The following ESRRG variants were observed in gnomAD, a reference collection of about 807,000 sequenced individuals.
The protein encoded by ESRRG is estrogen related receptor gamma.
ESRRG carries 13 observed loss-of-function variants against 44.0 expected under a neutral mutation model. The observed-to-expected ratio is 0.30, with a 90% CI of 0.19 to 0.47. The LOEUF is 0.47. Ranked by LOEUF, ESRRG falls within the 20% of genes least tolerant of loss-of-function variation. The pLI is 1.00. For synonymous variants in ESRRG, 215 were observed against 214.6 expected (o/e 1.00, Z -0.02); for missense variants, 395 against 580.6 (o/e 0.68, Z 3.29).
chr1:216,838,838 T>C (rs987305055), intron 2 of ESRRG, among the ~76,000 whole-genome samples: 4 of 152,218 alleles, frequency 2.6e-5, no homozygotes, highest in African/African-American at 7.2e-5. Flanking sequence ...TACTAAGGAA[T>C]GCTAATGGTC....
In ESRRG at chr1:216,844,389, C is replaced by T. The variant is rs541285816; in HGVS notation, c.-14+95193G>A. Among the ~76,000 whole-genome samples the T allele has an allele frequency of 7.9e-5, 12 of 152,242 alleles. No individual in the cohort carries two copies. In the East Asian group the frequency reaches 2.3e-3, roughly 29 times the overall value. Reference sequence around the variant, plus strand: ...AAGGGGAAATCACATAGCATCACTGCGTCAAACCTCCCCGAAGCTTGCTAT... The same window carrying T: ...AAGGGGAAATCACATAGCATCACTGTGTCAAACCTCCCCGAAGCTTGCTAT... On this transcript the variant is annotated intron_variant, in intron 2 of 7. Coordinates refer to the ESRRG transcript ENST00000359162.
intron 2 of ESRRG, among the ~76,000 whole-genome samples, chr1:216,912,155 GAAAAGAAAAGAAAAGAAAAGAAAAGAAA>G: frequency 1.5e-4 from 5 of 33,700 alleles, no homozygotes; most frequent in African/African-American, 5.3e-4. Context: ...GAAAAGAAAA[GAAAAGAAAAGAAAAGAAAAGAAAAGAAA>G]AGGAGAGGAG....
At chr1:216,559,356 G>A (rs1386230724) in intron 5 of ESRRG, among the ~76,000 whole-genome samples, 1 of 152,166 alleles carries the variant, frequency 6.6e-6, no homozygotes, top group African/African-American at 2.4e-5. Flanking sequence ...TTCATTCATA[G>A]CAAAGTAGAA....
At chr1:216,669,112 A>C (rs893999762) in intron 2 of ESRRG, among the ~76,000 whole-genome samples, 2 of 151,644 alleles carry the variant, frequency 1.3e-5, no homozygotes, top group Admixed American at 1.3e-4. Flanking sequence ...TAAAAAAAAA[A>C]CAAAACAAAG....
At chr1:217,010,911 T>C (rs536547409) in intron 1 of ESRRG, among the ~76,000 whole-genome samples, 52 of 152,302 alleles carry the variant, frequency 3.4e-4, no homozygotes, top group African/African-American at 1.1e-3. Flanking sequence ...CCTTACCTCC[T>C]TACCCATCCC....
intron 3 of ESRRG, among the ~76,000 whole-genome samples, chr1:216,596,485 C>A (rs894210077): frequency 2.0e-5 from 3 of 152,212 alleles, no homozygotes; most frequent in Non-Finnish European, 4.4e-5. Flanking sequence ...TTATACTCCT[C>A]CGCTAGCTTC....
At chr1:216,974,833 A>G (rs1011822468) in intron 1 of ESRRG, among the ~76,000 whole-genome samples, 1 of 150,794 alleles carries the variant, frequency 6.6e-6, no homozygotes, top group African/African-American at 2.4e-5. Context: ...CTCCCCTCGG[A>G]GGACAGGGAG....
At chr1:216,662,209 G>T (rs1019937187) in intron 2 of ESRRG, among the ~76,000 whole-genome samples, 2 of 152,100 alleles carry the variant, frequency 1.3e-5, no homozygotes, top group Non-Finnish European at 2.9e-5. Context: ...CCCAGGTAAT[G>T]GTTCTCAGCA....
chr1:216,997,897 A>C (rs979924295), intron 1 of ESRRG, among the ~76,000 whole-genome samples: 4 of 152,236 alleles, frequency 2.6e-5, no homozygotes, highest in Non-Finnish European at 2.9e-5. Context: ...AAAGGTCATT[A>C]GTTTGCATGG....
chr1:216,683,969 T>C (rs1264579152), intron 1 of ESRRG, among the ~76,000 whole-genome samples: 1 of 152,208 alleles, frequency 6.6e-6, no homozygotes, highest in African/African-American at 2.4e-5. Flanking sequence ...TCCTATGTCT[T>C]CACTCTTGCA....
At chr1:217,108,879 A>G (rs1438103623) in intron 1 of ESRRG, among the ~76,000 whole-genome samples, 1 of 152,156 alleles carries the variant, frequency 6.6e-6, no homozygotes, top group Non-Finnish European at 1.5e-5. Flanking sequence ...CTAACACAGG[A>G]TATGTTCTGC....
In ESRRG at chr1:216,895,486, G is replaced by A. The variant is rs181343062; in HGVS notation, c.-14+44096C>T. Among the ~76,000 whole-genome samples the A allele has an allele frequency of 1.8e-3, 281 of 152,256 alleles. 2 individuals are homozygous for A. Among genetic ancestry groups the A allele is most frequent in the African/African-American group, 6.5e-3 (272 of 41,546 alleles). On this transcript the variant is annotated intron_variant, in intron 2 of 7. Coordinates refer to the ESRRG transcript ENST00000359162. ...AAACAGGGTAGTCAGTTTAAATAGAGTCTCTCTTTGAGAATTTTTTCTTCA... is the reference window on the plus strand; with the variant it reads ...AAACAGGGTAGTCAGTTTAAATAGAATCTCTCTTTGAGAATTTTTTCTTCA...
intron 3 of ESRRG, among the ~76,000 whole-genome samples, chr1:216,595,046 T>A (rs546434166): frequency 1.3e-5 from 2 of 152,256 alleles, no homozygotes; most frequent in South Asian, 4.1e-4. Context: ...CAAGGAAAAA[T>A]TCTGCAAGTA....
intron 3 of ESRRG, among the ~76,000 whole-genome samples, chr1:216,634,401 TA>T (rs200312489): frequency 2.2e-5 from 3 of 136,742 alleles, no homozygotes; most frequent in Non-Finnish European, 4.7e-5. Flanking sequence ...AGTGGGCTTT[TA>T]TTTTTTTTTT....
intron 2 of ESRRG, among the ~76,000 whole-genome samples, chr1:216,821,620 G>A (rs2095289881): frequency 6.7e-6 from 1 of 149,994 alleles, no homozygotes; most frequent in South Asian, 2.1e-4. Flanking sequence ...AGGAGTTTGA[G>A]GTTGGAATGA....
chr1:216,569,317 A>C (rs2149629108), intron 3 of ESRRG, among the ~76,000 whole-genome samples: 1 of 152,246 alleles, frequency 6.6e-6, no homozygotes, highest in Admixed American at 6.5e-5. Context: ...CTTCCCAAAG[A>C]ATTCCAAATG....
chr1:217,096,161 A>C (rs539015450), intron 1 of ESRRG, among the ~76,000 whole-genome samples: 2 of 152,206 alleles, frequency 1.3e-5, no homozygotes, highest in African/African-American at 4.8e-5. Context: ...TTTCTGAAAA[A>C]ACCTATCCAC....
At chr1:216,918,512 T>C (rs2061456289) in intron 2 of ESRRG, among the ~76,000 whole-genome samples, 1 of 152,188 alleles carries the variant, frequency 6.6e-6, no homozygotes, top group Non-Finnish European at 1.5e-5. Flanking sequence ...TACATAGATA[T>C]ATACATGCTC....
Position 216,774,248 on chromosome 1 carries a change from A to G in ESRRG, c.-13-96757T>C, listed in dbSNP as rs73093994. Among the ~76,000 whole-genome samples the G allele has an allele frequency of 4.0e-3, 610 of 152,226 alleles. 3 individuals are homozygous for G. Among genetic ancestry groups the G allele is most frequent in the African/African-American group, 0.014 (572 of 41,540 alleles). ...CTCTCCCTGCCTCCTTACCTTCTGT[A>G]GAGGGAAGCCTGAGAAATCATTTAG... On this transcript the variant is annotated intron_variant, in intron 2 of 7. Coordinates refer to the ESRRG transcript ENST00000359162.
Sources: gnomAD v4.1 joint callset for allele counts (sites outside exome capture counted in the v4.1 genomes callset) on GRCh38, gnomAD v4.1.1 for gene constraint, MANE v1.5 for transcripts, NCBI Gene and HGNC (gene_info 2026-07-23, HGNC 2026-07-21) for gene names.